UST: variants seen among roughly 807,000 people sequenced by gnomAD.
UST encodes the protein uronyl 2-sulfotransferase.
In UST, 21 loss-of-function variants were observed where a neutral mutation model predicts 45.6. The ratio of observed to expected loss-of-function variants is 0.46; its 90% CI spans 0.33 to 0.66. The LOEUF is 0.66. Ranked by LOEUF, UST falls within the 30% of genes least tolerant of loss-of-function variation. The pLI is 0.02. For missense variants in UST, 463 were observed against 512.4 expected (o/e 0.90, Z 0.93); for synonymous variants, 215 against 200.6 (o/e 1.07, Z -0.61).
intron 5 of UST, among the ~76,000 whole-genome samples, chr6:149,017,326 G>A (rs1202431093): frequency 4.0e-5 from 6 of 151,362 alleles, no homozygotes; most frequent in Non-Finnish European, 7.4e-5. Context: ...CCAGTGAGCC[G>A]AGATCACGCC....
At chr6:148,946,530 G>T (rs1226739765) in intron 3 of UST, among the ~76,000 whole-genome samples, 1 of 48,232 alleles carries the variant, frequency 2.1e-5, no homozygotes, top group Non-Finnish European at 4.5e-5. Flanking sequence ...AAAAAAAAAA[G>T]GCCGGGTGCG....
At chr6:149,007,517 T>C (rs1775737211) in intron 5 of UST, among the ~76,000 whole-genome samples, 1 of 150,980 alleles carries the variant, frequency 6.6e-6, no homozygotes, top group South Asian at 2.1e-4. Flanking sequence ...CTCGATCTCC[T>C]GACCTCATGA....
chr6:149,008,131 A>G (rs2500535), intron 5 of UST, among the ~76,000 whole-genome samples: 140,186 of 152,272 alleles, frequency 0.92, 64,917 homozygotes, highest in Non-Finnish European at 0.95. Context: ...ATTTGCTATA[A>G]CCTTGAGGGA....
chr6:149,014,657 A>G (rs1775867656), intron 5 of UST, among the ~76,000 whole-genome samples: 1 of 152,212 alleles, frequency 6.6e-6, no homozygotes, highest in Non-Finnish European at 1.5e-5. Context: ...TCTCCCCGCC[A>G]GAAACCTGGG....
At chr6:148,865,014 C>T (rs1053432767) in intron 1 of UST, among the ~76,000 whole-genome samples, 1 of 152,298 alleles carries the variant, frequency 6.6e-6, no homozygotes, top group African/African-American at 2.4e-5. Context: ...CGACTTTGTA[C>T]TCTGCGATTT....
At chr6:149,043,905 C>T (rs1776362028) in intron 7 of UST, among the ~76,000 whole-genome samples, 1 of 152,216 alleles carries the variant, frequency 6.6e-6, no homozygotes, top group African/African-American at 2.4e-5. Flanking sequence ...CAGAATCAGT[C>T]CCAGTGGCCA....
intron 1 of UST, among the ~76,000 whole-genome samples, chr6:148,878,163 CG>C (rs1778735386): frequency 1.0e-4 from 3 of 29,742 alleles, no homozygotes; most frequent in African/African-American, 1.6e-4. Flanking sequence ...TGTGTGAGTG[CG>C]GGGGATTGTG....
At chr6:148,961,719 A>C (rs1192264980) in intron 4 of UST, among the ~76,000 whole-genome samples, 1 of 152,254 alleles carries the variant, frequency 6.6e-6, no homozygotes, top group Non-Finnish European at 1.5e-5. Context: ...GCTTTTAAAA[A>C]TCACTGTATG....
chr6:149,031,326 T>C (rs1017435372), intron 7 of UST, among the ~76,000 whole-genome samples: 1 of 152,162 alleles, frequency 6.6e-6, no homozygotes, highest in Non-Finnish European at 1.5e-5. Context: ...TAAACACTTG[T>C]GATTTTTTTT....
intron 1 of UST, among the ~76,000 whole-genome samples, chr6:148,841,751 C>T (rs565516757): frequency 3.9e-5 from 6 of 152,284 alleles, no homozygotes; most frequent in Admixed American, 3.3e-4. Flanking sequence ...AGAATGAACA[C>T]TTAACTTTTC....
intron 1 of UST, among the ~76,000 whole-genome samples, chr6:148,847,794 G>A (rs922721592): frequency 6.6e-6 from 1 of 152,208 alleles, no homozygotes; most frequent in Non-Finnish European, 1.5e-5. Flanking sequence ...CAGAGAGCCT[G>A]TTCTGGGTAA....
intron 7 of UST, among the ~76,000 whole-genome samples, chr6:149,028,421 T>C (rs1776082521): frequency 6.6e-6 from 1 of 152,154 alleles, no homozygotes; most frequent in South Asian, 2.1e-4. Context: ...GACAGGGCTG[T>C]CCCTGAGAGA....
intron 2 of UST, among the ~76,000 whole-genome samples, chr6:148,901,555 CTTTT>C (rs11438263): frequency 7.7e-6 from 1 of 130,342 alleles, no homozygotes. Context: ...ACCCGTGTCA[CTTTT>C]TTTTTTTTTT....
chr6:148,973,942 A>G (rs1780969181), intron 5 of UST, among the ~76,000 whole-genome samples: 1 of 152,242 alleles, frequency 6.6e-6, no homozygotes, highest in East Asian at 1.9e-4. Flanking sequence ...ATTGAATTAG[A>G]TAGTGTGTAA....
At chr6:148,861,984 G>T (rs946357310) in intron 1 of UST, among the ~76,000 whole-genome samples, 1 of 152,200 alleles carries the variant, frequency 6.6e-6, no homozygotes, top group Non-Finnish European at 1.5e-5. Context: ...TTGATTTGGG[G>T]TGGAGAGTTC....
At chr6:148,874,074 G>C (rs1485260372) in intron 1 of UST, among the ~76,000 whole-genome samples, 1 of 152,248 alleles carries the variant, frequency 6.6e-6, no homozygotes, top group Non-Finnish European at 1.5e-5. Flanking sequence ...TAGCAGGTGT[G>C]TTAGCATTCC....
At chr6:148,860,508 C>T (rs1778290683) in intron 1 of UST, among the ~76,000 whole-genome samples, 4 of 152,084 alleles carry the variant, frequency 2.6e-5, no homozygotes, top group Admixed American at 2.6e-4. Context: ...GCCTGATTGC[C>T]CTGGCCAGAG....
intron 1 of UST, among the ~76,000 whole-genome samples, chr6:148,824,777 C>A (rs369250556): frequency 6.8e-6 from 1 of 146,166 alleles, no homozygotes; most frequent in Non-Finnish European, 1.5e-5. Flanking sequence ...GCGCTGCACC[C>A]ACTAACGTGT....
chr6:148,998,599 C>A (rs1260184627), intron 5 of UST, among the ~76,000 whole-genome samples: 1 of 152,176 alleles, frequency 6.6e-6, no homozygotes, highest in African/African-American at 2.4e-5. Flanking sequence ...ATCACACTGC[C>A]CCTCCTAGAG....
Sources: allele counts gnomAD v4.1 joint callset (sites outside exome capture counted in the v4.1 genomes callset), GRCh38; gene constraint gnomAD v4.1.1; transcripts MANE v1.5; gene names NCBI Gene and HGNC (gene_info 2026-07-23, HGNC 2026-07-21).